RUFY4: variants seen among roughly 807,000 people sequenced by gnomAD.
RUFY4 encodes RUN and FYVE domain-containing protein 4.
A neutral mutation model predicts 69.0 loss-of-function variants in RUFY4; 73 were observed. The ratio of observed to expected loss-of-function variants is 1.06; its 90% CI spans 0.88 to 1.29. The LOEUF is 1.29. Ranked by LOEUF, RUFY4 falls within the 50% of genes most tolerant of loss-of-function variation. RUFY4 has a pLI of 0.00. For synonymous variants in RUFY4, 287 were observed against 271.8 expected, an observed-to-expected ratio of 1.06 and a Z score of -0.55; for missense variants, 770 against 705.6, an observed-to-expected ratio of 1.09 and a Z score of -1.03.
At chr2:218,075,781 T>C (rs777519227) in intron 7 of RUFY4, 41 bp downstream of exon 9, 5 of 1,373,460 alleles carry the variant, frequency 3.6e-6, no homozygotes, top group Non-Finnish European at 4.7e-6. Flanking sequence ...TTTGCCCCTG[T>C]CTGACCTGGC....
intron 2 of RUFY4, among the ~76,000 whole-genome samples, chr2:218,052,457 C>T (rs191875796): frequency 1.7e-3 from 260 of 152,316 alleles, no homozygotes; most frequent in African/African-American, 6.0e-3. Context: ...CTTGGACATA[C>T]TCTTACCGTG....
intron 2 of RUFY4, among the ~76,000 whole-genome samples, chr2:218,039,947 G>T (rs542570237): frequency 6.6e-6 from 1 of 152,300 alleles, no homozygotes; most frequent in Admixed American, 6.5e-5. Context: ...CAGCTCAAGT[G>T]CAGTCTTCCA....
chr2:218,085,362 A>G (rs1689868943), intron 9 of RUFY4, among the ~76,000 whole-genome samples: 3 of 152,152 alleles, frequency 2.0e-5, no homozygotes, highest in Non-Finnish European at 2.9e-5. Context: ...AAACAAAAAG[A>G]AAAAGGAAAA....
intron 2 of RUFY4, among the ~76,000 whole-genome samples, chr2:218,039,625 G>A (rs1959032056): frequency 6.6e-6 from 1 of 152,148 alleles, no homozygotes; most frequent in Non-Finnish European, 1.5e-5. Context: ...GACATTAGCT[G>A]CTGGGGGAAG....
chr2:218,089,913 G>T (rs1310085764), intron 10 of RUFY4, 39 bp from the exon 13 acceptor site: 2 of 1,464,576 alleles, frequency 1.4e-6, no homozygotes, highest in Admixed American at 2.0e-5. Context: ...AGTGCCAGCT[G>T]CAGAGGCCGC....
intron 3 of RUFY4, among the ~76,000 whole-genome samples, chr2:218,063,290 G>A (rs978324119): frequency 2.0e-5 from 3 of 152,132 alleles, no homozygotes; most frequent in South Asian, 4.1e-4. Flanking sequence ...GGAACCCAGT[G>A]ACAGAGAAAA....
intron 9 of RUFY4, among the ~76,000 whole-genome samples, chr2:218,084,877 G>A (rs1689854935): frequency 6.6e-6 from 1 of 152,046 alleles, no homozygotes. Context: ...GTGAAGCTCT[G>A]CATCTACTAA....
At chr2:218,088,992 T>C (rs1574521580) in intron 9 of RUFY4, among the ~76,000 whole-genome samples, 1 of 151,626 alleles carries the variant, frequency 6.6e-6, no homozygotes, top group Non-Finnish European at 1.5e-5. Flanking sequence ...TGAGTAACCA[T>C]CTTTCTCTGT....
intron 4 of RUFY4, 29 bp from the exon 7 acceptor site, chr2:218,073,214 G>T (rs1480717544): frequency 6.5e-7 from 1 of 1,545,648 alleles, no homozygotes; most frequent in South Asian, 1.2e-5. Context: ...AGGGTCAAAG[G>T]CCAAGGGTTC....
chr2:218,075,502 C>G, exon 7 of RUFY4: 1 of 1,581,172 alleles, frequency 6.3e-7, no homozygotes, highest in Middle Eastern at 1.7e-4. Flanking sequence ...AAAAAGGAAG[C>G]AGAGTGGAGT....
Position 218,075,609 on chromosome 2 carries a change from G to T in RUFY4, c.1117G>T (p.Glu373Ter). 2.0e-6 allele frequency: 3 copies of T among 1,523,930 alleles called. No homozygotes were observed. The highest frequency in any genetic ancestry group is 2.6e-6 in the Non-Finnish European group (3 of 1,139,264). 94.4% of individuals were successfully genotyped at this position (1,523,930 alleles called of 1,614,324 possible). A position where few individuals can be genotyped will look rare whatever the true frequency, so the allele number is the denominator to read the frequency against. The change falls in exon 7 of 11, where the codon GAG becomes TAG. Residue 373 changes from glutamate to a stop codon, truncating the protein, a stop_gained. Coordinates refer to ENST00000344321, the Ensembl canonical transcript of RUFY4. LOFTEE classifies it high-confidence loss of function. ...GTCGGGGGGCTCTAGCATCCTGGGGGAGCCCTGGGTCCTTCAGGGACACGC... is the reference window on the plus strand; with the variant it reads ...GTCGGGGGGCTCTAGCATCCTGGGGTAGCCCTGGGTCCTTCAGGGACACGC...
At chr2:218,057,550 G>A (rs1205433528) in intron 2 of RUFY4, among the ~76,000 whole-genome samples, 1 of 152,108 alleles carries the variant, frequency 6.6e-6, no homozygotes, top group Non-Finnish European at 1.5e-5. Flanking sequence ...TTATTCAGGT[G>A]TAATTTACCA....
At chr2:218,064,689 C>T (rs1689281604), upstream of RUFY4, among the ~76,000 whole-genome samples, 1 of 152,086 alleles carries the variant, frequency 6.6e-6, no homozygotes, top group African/African-American at 2.4e-5. Flanking sequence ...AGGGTGCTCC[C>T]CCTACACCTT....
chr2:218,046,686 T>C (rs943611635), intron 2 of RUFY4, among the ~76,000 whole-genome samples: 1 of 152,238 alleles, frequency 6.6e-6, no homozygotes, highest in Admixed American at 6.5e-5. Context: ...AGGAATTTTA[T>C]ACAATTTCTA....
intron 2 of RUFY4, among the ~76,000 whole-genome samples, chr2:218,053,859 G>A (rs1004282896): frequency 6.6e-6 from 1 of 152,130 alleles, no homozygotes; most frequent in African/African-American, 2.4e-5. Context: ...TGTCCAGGCT[G>A]GTCTCCAACT....
At chr2:218,083,975 G>C (rs536001105) in intron 9 of RUFY4, among the ~76,000 whole-genome samples, 5 of 152,206 alleles carry the variant, frequency 3.3e-5, no homozygotes, top group Admixed American at 2.6e-4. Flanking sequence ...CTGCCCACGG[G>C]ACTTCCTCAG....
upstream of RUFY4, among the ~76,000 whole-genome samples, chr2:218,064,672 G>A (rs1010747860): frequency 6.6e-5 from 10 of 152,224 alleles, no homozygotes; most frequent in African/African-American, 2.4e-4. Context: ...CTTTAGGAGG[G>A]GAAGAGAGGG....
intron 2 of RUFY4, among the ~76,000 whole-genome samples, chr2:218,044,996 C>T (rs879477407): frequency 8.5e-5 from 13 of 152,170 alleles, no homozygotes; most frequent in East Asian, 3.9e-4. Context: ...TTGTGTTTTT[C>T]GGTCTTTGAG....
intron 10 of RUFY4, 90 bp from the exon 13 acceptor site, chr2:218,089,862 G>A (rs1009313495): frequency 3.4e-6 from 3 of 875,932 alleles, no homozygotes; most frequent in Middle Eastern, 2.1e-4. Context: ...AGGTGGACCT[G>A]AAGATGCTGG....
Sources: gnomAD v4.1 joint callset for allele counts (sites outside exome capture counted in the v4.1 genomes callset) on GRCh38, gnomAD v4.1.1 for gene constraint, MANE v1.5 for transcripts, NCBI Gene and HGNC (gene_info 2026-07-23, HGNC 2026-07-21) for gene names.